RXFP1: variants seen among roughly 807,000 people sequenced by gnomAD.
RXFP1 encodes relaxin receptor 1.
Under a neutral mutation model 89.8 loss-of-function variants are expected in RXFP1, and 73 were observed. That is an observed-to-expected ratio of 0.81 (90% CI 0.67 to 0.99). RXFP1 has a LOEUF of 0.99. RXFP1 is among the 50% of genes least tolerant of loss of function. RXFP1 has a pLI of 0.00. For synonymous variants in RXFP1, 277 were observed against 305.5 expected (o/e 0.91, Z 0.97); for missense variants, 793 against 895.5 (o/e 0.89, Z 1.46).
chr4:158,591,899 TAGA>T (rs908699980), intron 2 of RXFP1, among the ~76,000 whole-genome samples: 12 of 152,280 alleles, frequency 7.9e-5, no homozygotes, highest in African/African-American at 2.9e-4. Context: ...GGAAAAAATT[TAGA>T]AGGTCTAGAG....
intron 4 of RXFP1, among the ~76,000 whole-genome samples, chr4:158,601,637 T>C (rs1391793541): frequency 6.6e-6 from 1 of 152,242 alleles, no homozygotes; most frequent in Non-Finnish European, 1.5e-5. Context: ...AAGAACTCTA[T>C]GCTTTATAGC....
intron 1 of RXFP1, among the ~76,000 whole-genome samples, chr4:158,527,372 G>A (rs911669375): frequency 3.3e-5 from 5 of 151,142 alleles, no homozygotes; most frequent in South Asian, 2.1e-4. Context: ...GCGAAACCCC[G>A]TCTCTACTAA....
intron 1 of RXFP1, among the ~76,000 whole-genome samples, chr4:158,560,484 C>T (rs1022511282): frequency 6.6e-6 from 1 of 152,190 alleles, no homozygotes; most frequent in Non-Finnish European, 1.5e-5. Flanking sequence ...TCTGGAATGA[C>T]TCTGCAGAAA....
At chr4:158,643,468 G>GGT in intron 14 of RXFP1, among the ~76,000 whole-genome samples, 1 of 112,830 alleles carries the variant, frequency 8.9e-6, no homozygotes, top group South Asian at 2.9e-4. Flanking sequence ...TCATATGCTA[G>GGT]TTTTTTTTTT....
chr4:158,552,336 G>A (rs780054710), intron 1 of RXFP1, among the ~76,000 whole-genome samples: 1 of 152,152 alleles, frequency 6.6e-6, no homozygotes, highest in African/African-American at 2.4e-5. Flanking sequence ...TACAAAATCC[G>A]TGGCTAGAAA....
chr4:158,620,774 A>G (rs1470229668), intron 9 of RXFP1, among the ~76,000 whole-genome samples: 1 of 152,222 alleles, frequency 6.6e-6, no homozygotes, highest in Non-Finnish European at 1.5e-5. Flanking sequence ...TAAAGTGAAA[A>G]CAATAGAACT....
intron 17 of RXFP1, among the ~76,000 whole-genome samples, chr4:158,651,014 C>T (rs1772598565): frequency 6.6e-6 from 1 of 152,148 alleles, no homozygotes; most frequent in Admixed American, 6.5e-5. Flanking sequence ...GTCCCAGCTA[C>T]TCAAGAGGGT....
intron 11 of RXFP1, among the ~76,000 whole-genome samples, chr4:158,630,296 C>A (rs551958293): frequency 1.1e-4 from 16 of 152,286 alleles, no homozygotes; most frequent in East Asian, 5.8e-4. Context: ...AACAAATAGA[C>A]CCAACCATCT....
intron 1 of RXFP1, among the ~76,000 whole-genome samples, chr4:158,562,344 G>T (rs1041379937): frequency 3.3e-5 from 5 of 151,084 alleles, no homozygotes; most frequent in African/African-American, 1.2e-4. Flanking sequence ...CTAAAACGGT[G>T]AAACCCCGTC....
intron 1 of RXFP1, among the ~76,000 whole-genome samples, chr4:158,534,245 AT>A (rs70962614): frequency 0.15 from 20,746 of 137,240 alleles, 1,566 homozygotes; most frequent in Admixed American, 0.22. Context: ...TGATATTCTG[AT>A]TTTTTTTTTT....
chr4:158,546,663 G>T (rs184717469), intron 1 of RXFP1, among the ~76,000 whole-genome samples: 5,610 of 152,224 alleles, frequency 0.037, 342 homozygotes, highest in African/African-American at 0.13. Context: ...AGCATGAAGG[G>T]TTGTTGAATT....
chr4:158,645,319 GT>G (rs1373798984), intron 15 of RXFP1, among the ~76,000 whole-genome samples, 181 bp downstream of exon 15: 1 of 152,158 alleles, frequency 6.6e-6, no homozygotes, highest in African/African-American at 2.4e-5. Context: ...AAAAAAATAT[GT>G]TTTTTAAACT....
intron 12 of RXFP1, among the ~76,000 whole-genome samples, chr4:158,634,546 T>C (rs981471526): frequency 2.2e-4 from 34 of 152,190 alleles, no homozygotes; most frequent in Non-Finnish European, 4.6e-4. Context: ...AATTTTTAAA[T>C]TTCTTTTTTT....
intron 1 of RXFP1, among the ~76,000 whole-genome samples, chr4:158,572,230 C>T (rs1297717112): frequency 6.6e-6 from 1 of 152,162 alleles, no homozygotes; most frequent in African/African-American, 2.4e-5. Flanking sequence ...ACCTACTCCA[C>T]GTGTGTGCCC....
At chr4:158,612,065 T>A in intron 6 of RXFP1, 65 bp from the exon 7 acceptor site, 1 of 1,318,916 alleles carries the variant, frequency 7.6e-7, no homozygotes, top group Middle Eastern at 2.5e-4. Context: ...ATTATTGTTT[T>A]TACTTTTCTT....
chr4:158,532,551 G>A (rs924702752), intron 1 of RXFP1, among the ~76,000 whole-genome samples: 1 of 152,126 alleles, frequency 6.6e-6, no homozygotes, highest in Non-Finnish European at 1.5e-5. Flanking sequence ...GAGGAGGCAG[G>A]TAGAGAGGTG....
At chr4:158,638,842 CATTTA>C (rs967699070) in intron 13 of RXFP1, among the ~76,000 whole-genome samples, 48 of 148,814 alleles carry the variant, frequency 3.2e-4, no homozygotes, top group African/African-American at 9.4e-4. Context: ...AGCTTCAGTT[CATTTA>C]ATTTGAGTGT....
intron 2 of RXFP1, among the ~76,000 whole-genome samples, chr4:158,574,309 G>C (rs1167117708): frequency 6.6e-6 from 1 of 152,010 alleles, no homozygotes; most frequent in African/African-American, 2.4e-5. Context: ...AGTATTTCAG[G>C]CTTTTTAAGA....
intron 1 of RXFP1, among the ~76,000 whole-genome samples, chr4:158,544,789 A>G (rs1747804468): frequency 6.6e-6 from 1 of 152,180 alleles, no homozygotes; most frequent in Non-Finnish European, 1.5e-5. Flanking sequence ...TTCATTTTTT[A>G]TGGCTGCATA....
Sources: gnomAD v4.1 joint callset for allele counts (sites outside exome capture counted in the v4.1 genomes callset) on GRCh38, gnomAD v4.1.1 for gene constraint, MANE v1.5 for transcripts, NCBI Gene and HGNC (gene_info 2026-07-23, HGNC 2026-07-21) for gene names.